The following ELOVL6 variants were observed in gnomAD, a reference collection of about 807,000 sequenced individuals.
ELOVL6 encodes ELOVL fatty acid elongase 6.
A neutral mutation model predicts 31.7 loss-of-function variants in ELOVL6; 8 were observed. The observed-to-expected ratio is 0.25, with a 90% CI of 0.15 to 0.45. The LOEUF (loss-of-function observed/expected upper bound fraction) is 0.45. Among genes scored for constraint, ELOVL6 ranks in the 20% least tolerant of loss-of-function variants. The pLI, the probability that ELOVL6 is intolerant of heterozygous loss-of-function variation, is 1.00. For missense variants in ELOVL6, 126 were observed against 326.4 expected (o/e 0.39, Z 4.73); for synonymous variants, 101 against 117.7 (o/e 0.86, Z 0.92).
At chr4:110,174,145 G>A (rs1759032174) in intron 1 of ELOVL6, among the ~76,000 whole-genome samples, 1 of 151,194 alleles carries the variant, frequency 6.6e-6, no homozygotes, top group Non-Finnish European at 1.5e-5. Flanking sequence ...TAAAATATCA[G>A]GATGTAAAGA....
At chr4:110,084,563 GATATATATAT>G (rs1553956219) in intron 2 of ELOVL6, among the ~76,000 whole-genome samples, 527 of 44,536 alleles carry the variant, frequency 0.012, 18 homozygotes, top group East Asian at 0.069. Context: ...CACACACACA[GATATATATAT>G]ATATATATAT....
At chr4:110,148,103 C>T (rs1239134227) in intron 1 of ELOVL6, among the ~76,000 whole-genome samples, 4 of 121,748 alleles carry the variant, frequency 3.3e-5, no homozygotes, top group Non-Finnish European at 4.9e-5. Flanking sequence ...GAGCAAAACT[C>T]GGTCTCAAAA....
chr4:110,192,279 A>G (rs1018224307), intron 1 of ELOVL6, among the ~76,000 whole-genome samples: 1 of 152,206 alleles, frequency 6.6e-6, no homozygotes, highest in African/African-American at 2.4e-5. Flanking sequence ...TAGATATGGA[A>G]TAAGTTGACT....
intron 1 of ELOVL6, among the ~76,000 whole-genome samples, chr4:110,132,027 G>T (rs938186812): frequency 6.6e-6 from 1 of 152,144 alleles, no homozygotes; most frequent in Non-Finnish European, 1.5e-5. Flanking sequence ...AGTGGGGTGG[G>T]GTGCAGGTTG....
At chr4:110,114,994 T>C (rs907257605) in intron 1 of ELOVL6, among the ~76,000 whole-genome samples, 2 of 152,160 alleles carry the variant, frequency 1.3e-5, no homozygotes, top group Non-Finnish European at 2.9e-5. Context: ...TGTTGTAGGT[T>C]ACCACTACCT....
chr4:110,177,489 C>A (rs1036871736), intron 1 of ELOVL6, among the ~76,000 whole-genome samples: 3 of 151,716 alleles, frequency 2.0e-5, no homozygotes, highest in African/African-American at 7.3e-5. Context: ...AGAGCATATC[C>A]TTTTATAAAC....
At chr4:110,141,854 A>ATTATAT (rs1304359285) in intron 1 of ELOVL6, among the ~76,000 whole-genome samples, 1 of 53,610 alleles carries the variant, frequency 1.9e-5, no homozygotes, top group Non-Finnish European at 4.0e-5. Flanking sequence ...CAATACAATT[A>ATTATAT]GTATATATAT....
chr4:110,169,181 C>G (rs1185795650), intron 1 of ELOVL6, among the ~76,000 whole-genome samples: 2 of 151,196 alleles, frequency 1.3e-5, no homozygotes, highest in Non-Finnish European at 2.9e-5. Context: ...TCCCAAAGTG[C>G]TAGAATTACA....
At chr4:110,163,261 A>G (rs1758679454) in intron 1 of ELOVL6, among the ~76,000 whole-genome samples, 1 of 152,190 alleles carries the variant, frequency 6.6e-6, no homozygotes, top group Non-Finnish European at 1.5e-5. Flanking sequence ...CTCATTTGCT[A>G]CTAGGTCAGA....
intron 1 of ELOVL6, among the ~76,000 whole-genome samples, chr4:110,126,613 TGAAC>T (rs1757505647): frequency 6.6e-6 from 1 of 152,230 alleles, no homozygotes; most frequent in African/African-American, 2.4e-5. Context: ...CTCACATTTT[TGAAC>T]TAAGCATTTT....
intron 1 of ELOVL6, among the ~76,000 whole-genome samples, chr4:110,179,038 G>T (rs1759197870): frequency 6.6e-6 from 1 of 151,796 alleles, no homozygotes; most frequent in Non-Finnish European, 1.5e-5. Flanking sequence ...AAGTGTCTCT[G>T]CAAAAGTATG....
intron 2 of ELOVL6, among the ~76,000 whole-genome samples, chr4:110,063,214 C>T (rs76335052): frequency 0.036 from 5,418 of 152,232 alleles, 285 homozygotes; most frequent in East Asian, 0.16. Flanking sequence ...ATTCCTATTG[C>T]TATGAGAATT....
rs1028805649 is a variant in ELOVL6 at position 110,046,901 on chromosome 4, T to G, written c.*4437A>C. Reference sequence around the variant, plus strand: ...ATGTGTATACACTACTGGCCAAATGTGGTGGTGGATCTTGGCAAAGTCTCT... The same window carrying G: ...ATGTGTATACACTACTGGCCAAATGGGGTGGTGGATCTTGGCAAAGTCTCT... On this transcript the variant is annotated 3_prime_UTR_variant, in exon 4 of 4. Coordinates refer to ENST00000302274, the MANE Select transcript of ELOVL6 (RefSeq NM_024090.3). 1 of 152,182 alleles carries G rather than the reference T, an allele frequency of 6.6e-6. No homozygotes were observed. The highest frequency in any genetic ancestry group is 2.4e-5 in the African/African-American group (1 of 41,426). The allele number at this position is 152,182 out of a possible 1,614,324, so 9.4% of individuals were successfully genotyped here. A position where few individuals can be genotyped will look rare whatever the true frequency, so the allele number is the denominator to read the frequency against.
intron 2 of ELOVL6, among the ~76,000 whole-genome samples, chr4:110,067,979 A>G (rs1369453194): frequency 6.6e-6 from 1 of 152,226 alleles, no homozygotes; most frequent in Non-Finnish European, 1.5e-5. Flanking sequence ...CTTAGACATT[A>G]ACGCCTTTCA....
At chr4:110,079,424 G>A (rs1326995696) in intron 2 of ELOVL6, among the ~76,000 whole-genome samples, 1 of 152,022 alleles carries the variant, frequency 6.6e-6, no homozygotes, top group Non-Finnish European at 1.5e-5. Flanking sequence ...CTAGAACTCA[G>A]GATTAAGAAA....
Position 110,059,595 on chromosome 4 carries a change from A to T in ELOVL6, c.373+8T>A, listed in dbSNP as rs1755084091. On this transcript the variant is annotated splice_region_variant and intron_variant, in intron 3 of 3. Coordinates refer to ENST00000302274, the MANE Select transcript of ELOVL6 (RefSeq NM_024090.3). ...AGAGAGGGAGAGGAAATGGAAGAAGATACTCACCTAGTTCGGGTGCTTTGC... is the reference window on the plus strand; with the variant it reads ...AGAGAGGGAGAGGAAATGGAAGAAGTTACTCACCTAGTTCGGGTGCTTTGC... 6 of 1,610,468 alleles carry T rather than the reference A, an allele frequency of 3.7e-6. No homozygotes were observed. Among genetic ancestry groups the T allele is most frequent in the Non-Finnish European group, 5.1e-6 (6 of 1,177,914 alleles).
chr4:110,100,310 C>G (rs1756705754), intron 2 of ELOVL6, among the ~76,000 whole-genome samples: 1 of 152,178 alleles, frequency 6.6e-6, no homozygotes, highest in African/African-American at 2.4e-5. Flanking sequence ...TTTGTTTACT[C>G]TAGCAAAGCT....
At chr4:110,091,492 T>C (rs141617665) in intron 2 of ELOVL6, among the ~76,000 whole-genome samples, 1 of 152,342 alleles carries the variant, frequency 6.6e-6, no homozygotes, top group Non-Finnish European at 1.5e-5. Flanking sequence ...GCTTTTTACC[T>C]ACCTATCTAT....
At chr4:110,117,903 A>AAAAAAAAAAAAAAAAAT in intron 1 of ELOVL6, 1 of 6,506 alleles carries the variant, frequency 1.5e-4, no homozygotes, top group African/African-American at 3.3e-4. Context: ...AAAAAAAAAA[A>AAAAAAAAAAAAAAAAAT]ATATATATAT....
Sources: allele counts gnomAD v4.1 joint callset (sites outside exome capture counted in the v4.1 genomes callset), GRCh38; gene constraint gnomAD v4.1.1; transcripts MANE v1.5; gene names NCBI Gene and HGNC (gene_info 2026-07-23, HGNC 2026-07-21).